The following POLD3 variants were observed in gnomAD, a reference collection of about 807,000 sequenced individuals.
POLD3 encodes DNA polymerase delta subunit 3.
A neutral mutation model predicts 58.2 loss-of-function variants in POLD3; 19 were observed. The observed-to-expected ratio is 0.33, with a 90% confidence interval of 0.23 to 0.48. The LOEUF (loss-of-function observed/expected upper bound fraction) is 0.48, where lower values mean the gene tolerates loss of function less well. Among genes scored for constraint, POLD3 ranks in the 20% least tolerant of loss-of-function variants. POLD3 has a pLI of 0.99. For missense variants in POLD3, 504 were observed against 545.5 expected (o/e 0.92, Z 0.76); for synonymous variants, 172 against 193.5 (o/e 0.89, Z 0.92).
At chr11:74,609,389 T>A (rs2031826478) in intron 3 of POLD3, among the ~76,000 whole-genome samples, 1 of 29,970 alleles carries the variant, frequency 3.3e-5, no homozygotes, top group Non-Finnish European at 5.6e-5. Context: ...TTTTTTTTTT[T>A]TTTTTTTTTG....
intron 2 of POLD3, 140 bp from the exon 3 acceptor site, chr11:74,604,552 A>G: frequency 1.7e-6 from 1 of 605,498 alleles, no homozygotes; most frequent in Non-Finnish European, 2.9e-6. Flanking sequence ...TCAACTGTCC[A>G]TAGGCCAAGC....
At chr11:74,660,321 G>A (rs4944931) in intron 4 of POLD3, among the ~76,000 whole-genome samples, 127,783 of 152,082 alleles carry the variant, frequency 0.84, 53,997 homozygotes, top group Middle Eastern at 0.95. Flanking sequence ...TAGCCAAACC[G>A]TATCAGTATT....
intron 7 of POLD3, among the ~76,000 whole-genome samples, chr11:74,624,317 G>C (rs1328221282): frequency 6.6e-6 from 1 of 152,264 alleles, no homozygotes; most frequent in East Asian, 1.9e-4. Flanking sequence ...CCATCGTTGG[G>C]AAGGTGGATT....
intron 1 of POLD3, 51 bp from the exon 2 acceptor site, chr11:74,594,010 G>A (rs1368578521): frequency 1.1e-6 from 1 of 921,858 alleles, no homozygotes; most frequent in Non-Finnish European, 1.8e-6. Flanking sequence ...GGACTGATGT[G>A]CACTCTGGAG....
intron 2 of POLD3, among the ~76,000 whole-genome samples, chr11:74,600,425 A>T (rs918309679): frequency 2.6e-5 from 4 of 151,962 alleles, no homozygotes; most frequent in Non-Finnish European, 2.9e-5. Flanking sequence ...CCTCCCTGAG[A>T]GCTGGGATTA....
At chr11:74,605,588 A>G (rs140812830) in intron 3 of POLD3, among the ~76,000 whole-genome samples, 72 of 152,012 alleles carry the variant, frequency 4.7e-4, no homozygotes, top group African/African-American at 1.6e-3. Flanking sequence ...CACTTCCTCA[A>G]ACTTCCTATC....
At chr11:74,650,979 T>C (rs1456280819) in intron 4 of POLD3, among the ~76,000 whole-genome samples, 1 of 152,200 alleles carries the variant, frequency 6.6e-6, no homozygotes, top group East Asian at 1.9e-4. Flanking sequence ...TGTGGTGTAG[T>C]GGAAAGAGCC....
chr11:74,618,207 T>C (rs2032138649), intron 5 of POLD3, among the ~76,000 whole-genome samples: 1 of 141,722 alleles, frequency 7.1e-6, no homozygotes, highest in South Asian at 2.4e-4. Flanking sequence ...GCATTCCTAC[T>C]CTTTTGAATT....
chr11:74,622,027 C>G (rs60179869), intron 7 of POLD3, among the ~76,000 whole-genome samples: 3 of 149,706 alleles, frequency 2.0e-5, no homozygotes, highest in Non-Finnish European at 4.5e-5. Context: ...CACCTCCCCC[C>G]ACCCCACAAC....
chr11:74,613,617 A>G (rs1254147361), intron 5 of POLD3, among the ~76,000 whole-genome samples: 4 of 152,148 alleles, frequency 2.6e-5, no homozygotes, highest in Admixed American at 6.5e-5. Flanking sequence ...CAATGTAATA[A>G]TGTCTCCTTT....
chr11:74,646,622 G>A (rs1038244337), downstream of POLD3, among the ~76,000 whole-genome samples: 1 of 152,222 alleles, frequency 6.6e-6, no homozygotes, highest in African/African-American at 2.4e-5. Flanking sequence ...TTTAAGTCGA[G>A]AACATTGTTT....
At chr11:74,663,858 C>T (rs2033234440) in intron 4 of POLD3, among the ~76,000 whole-genome samples, 1 of 152,112 alleles carries the variant, frequency 6.6e-6, no homozygotes, top group Non-Finnish European at 1.5e-5. Context: ...ATGCATATAT[C>T]TCTATCTCTC....
chr11:74,662,059 C>A (rs1309067377), intron 4 of POLD3, among the ~76,000 whole-genome samples: 1 of 152,070 alleles, frequency 6.6e-6, no homozygotes, highest in Non-Finnish European at 1.5e-5. Context: ...TGCTGCCAGG[C>A]CTGGGACTCG....
At chr11:74,593,849 A>G (rs1338227264) in intron 1 of POLD3, among the ~76,000 whole-genome samples, 1 of 152,188 alleles carries the variant, frequency 6.6e-6, no homozygotes, top group Admixed American at 6.5e-5. Flanking sequence ...ATTACTTTTC[A>G]TTAGTTCATG....
chr11:74,622,931 T>G (rs2032310080), intron 7 of POLD3, among the ~76,000 whole-genome samples: 2 of 152,116 alleles, frequency 1.3e-5, no homozygotes, highest in African/African-American at 4.8e-5. Flanking sequence ...ATTGAAACAA[T>G]CCAAAAGTCT....
At chr11:74,665,626 T>A (rs2033259297) in intron 4 of POLD3, among the ~76,000 whole-genome samples, 1 of 152,006 alleles carries the variant, frequency 6.6e-6, no homozygotes, top group African/African-American at 2.4e-5. Context: ...TCTCAAATTC[T>A]TGACCTCAGG....
At chr11:74,629,040 T>G (rs2032510590) in intron 8 of POLD3, 177 bp from the exon 9 acceptor site, 6 of 450,316 alleles carry the variant, frequency 1.3e-5, no homozygotes, top group Non-Finnish European at 2.4e-5. Context: ...TGAAGTGACT[T>G]AGTTGTGGTC....
chr11:74,599,605 G>T (rs1231080253), intron 2 of POLD3, among the ~76,000 whole-genome samples: 2 of 151,210 alleles, frequency 1.3e-5, no homozygotes, highest in African/African-American at 4.9e-5. Context: ...CTCGCAATCT[G>T]CCCACCTCGG....
intron 2 of POLD3, among the ~76,000 whole-genome samples, chr11:74,603,738 G>A (rs1004249815): frequency 5.9e-5 from 9 of 152,140 alleles, no homozygotes; most frequent in Non-Finnish European, 1.2e-4. Context: ...GAGAGAGCAG[G>A]CTCTTCAAGA....
Sources: allele counts gnomAD v4.1 joint callset (sites outside exome capture counted in the v4.1 genomes callset), GRCh38; gene constraint gnomAD v4.1.1; transcripts MANE v1.5; gene names NCBI Gene and HGNC (gene_info 2026-07-23, HGNC 2026-07-21).